REV1: variants seen among roughly 807,000 people sequenced by gnomAD.
The protein encoded by REV1 is translesion synthesis protein REV1.
A neutral mutation model predicts 137.4 loss-of-function variants in REV1; 42 were observed. That is an observed-to-expected ratio of 0.31 (90% CI 0.24 to 0.40). REV1 has a LOEUF of 0.40. REV1 is among the 10% of genes least tolerant of loss of function. REV1 has a pLI of 1.00. For missense variants in REV1, 1,282 were observed against 1,490.1 expected (o/e 0.86, Z 2.30); for synonymous variants, 524 against 519.2 (o/e 1.01, Z -0.12).
At chr2:99,432,859 T>C (rs1680291829) in intron 8 of REV1, among the ~76,000 whole-genome samples, 2 of 152,144 alleles carry the variant, frequency 1.3e-5, no homozygotes, top group Non-Finnish European at 2.9e-5. Flanking sequence ...AATAAGCCAT[T>C]TATAGTAAGA....
At chr2:99,478,518 T>C (rs1686233298) in intron 1 of REV1, among the ~76,000 whole-genome samples, 1 of 152,184 alleles carries the variant, frequency 6.6e-6, no homozygotes, top group African/African-American at 2.4e-5. Context: ...GCCACTGATC[T>C]TCACTAAGGA....
chr2:99,477,560 T>A (rs1031452779), intron 1 of REV1, among the ~76,000 whole-genome samples: 36 of 152,216 alleles, frequency 2.4e-4, no homozygotes, highest in African/African-American at 8.2e-4. Flanking sequence ...TGTACCCTAA[T>A]GCATAAGTAC....
intron 1 of REV1, among the ~76,000 whole-genome samples, chr2:99,465,934 CTTTT>C (rs988867150): frequency 4.6e-5 from 7 of 152,038 alleles, no homozygotes; most frequent in African/African-American, 1.7e-4. Context: ...TTCTTTCTTT[CTTTT>C]TATTTATTTA....
chr2:99,413,024 C>A (rs1172089972), intron 12 of REV1, 73 bp from the exon 13 acceptor site: 3 of 1,002,944 alleles, frequency 3.0e-6, no homozygotes, highest in African/African-American at 3.2e-5. Context: ...AAATACCCAC[C>A]ATTTATGCAC....
At chr2:99,429,681 G>T (rs373484267) in intron 9 of REV1, among the ~76,000 whole-genome samples, 159 bp downstream of exon 9, 2 of 151,578 alleles carry the variant, frequency 1.3e-5, no homozygotes, top group Non-Finnish European at 2.9e-5. Flanking sequence ...TAGCACTGGT[G>T]GGGGGTTGTG....
chr2:99,443,682 G>A (rs1158233824), intron 4 of REV1, among the ~76,000 whole-genome samples: 1 of 152,058 alleles, frequency 6.6e-6, no homozygotes, highest in South Asian at 2.1e-4. Flanking sequence ...TATACTAGTC[G>A]CAAGACATGT....
intron 5 of REV1, among the ~76,000 whole-genome samples, chr2:99,441,331 T>C (rs1396488388): frequency 6.6e-6 from 1 of 152,090 alleles, no homozygotes; most frequent in Non-Finnish European, 1.5e-5. Flanking sequence ...AAAAAAAATA[T>C]ATCCAACTCC....
intron 4 of REV1, among the ~76,000 whole-genome samples, chr2:99,443,120 C>G: frequency 6.6e-6 from 1 of 152,208 alleles, no homozygotes; most frequent in Middle Eastern, 3.2e-3. Context: ...GTATCTAAAA[C>G]TGACATTTTC....
Position 99,487,683 on chromosome 2 carries a change from A to G in REV1, c.-11+2134T>C, listed in dbSNP as rs1687285110. ...TTAAATGTTCTGTTTAATATACTCT[A>G]TGATTAGTAATACGCCACATATACA... On this transcript the variant is annotated intron_variant, in intron 1 of 22. Transcript: ENST00000258428. Among the ~76,000 whole-genome samples, 2 of 119,002 alleles carry G rather than the reference A, an allele frequency of 1.7e-5. 1 individual carries two copies. Among genetic ancestry groups the G allele is most frequent in the Non-Finnish European group, 3.7e-5 (2 of 54,598 alleles). 78.1% of individuals were successfully genotyped at this position (119,002 alleles called of 152,430 possible).
intron 3 of REV1, among the ~76,000 whole-genome samples, chr2:99,458,961 C>A (rs1683840285): frequency 1.3e-5 from 2 of 152,088 alleles, no homozygotes; most frequent in South Asian, 4.1e-4. Context: ...GTAATCCCAG[C>A]ACTTTGGGAG....
chr2:99,459,586 G>A (rs900985125), intron 3 of REV1, among the ~76,000 whole-genome samples: 10 of 151,970 alleles, frequency 6.6e-5, no homozygotes, highest in Admixed American at 2.0e-4. Context: ...CACACTTGAG[G>A]TCCTAGCTAC....
intron 7 of REV1, chr2:99,435,521 A>C (rs1680632589): frequency 6.0e-6 from 1 of 166,660 alleles, no homozygotes. Context: ...AGCCACCATA[A>C]AATTTCCATT....
chr2:99,486,121 T>C lies in REV1; in HGVS notation c.-11+3696A>G, dbSNP rs535796852. On this transcript the variant is annotated intron_variant, in intron 1 of 22. Transcript: ENST00000258428. ...GCTTGGGCAACAGAGCAAGACCCTGTCTCAAAAAATGTTAAAAAAGAAAAA... is the reference window on the plus strand; with the variant it reads ...GCTTGGGCAACAGAGCAAGACCCTGCCTCAAAAAATGTTAAAAAAGAAAAA... 7.9e-5 allele frequency among the ~76,000 whole-genome samples: 12 copies of C among 152,242 alleles called. No individual in the cohort carries two copies. In the East Asian group the frequency reaches 1.5e-3, roughly 20 times the overall value.
At chr2:99,482,522 C>T (rs1423492867) in intron 1 of REV1, among the ~76,000 whole-genome samples, 1 of 152,082 alleles carries the variant, frequency 6.6e-6, no homozygotes, top group African/African-American at 2.4e-5. Flanking sequence ...GCAGACTGTA[C>T]CCTTAACTTA....
intron 9 of REV1, among the ~76,000 whole-genome samples, chr2:99,425,197 A>G (rs1227770835): frequency 6.6e-6 from 1 of 152,196 alleles, no homozygotes; most frequent in East Asian, 1.9e-4. Flanking sequence ...ACGTATATAC[A>G]AACAGTTGCC....
intron 12 of REV1, among the ~76,000 whole-genome samples, 194 bp from the exon 13 acceptor site, chr2:99,413,145 C>CTCTA (rs1443239788): frequency 6.6e-6 from 1 of 152,168 alleles, no homozygotes; most frequent in African/African-American, 2.4e-5. Context: ...TATTTCTAGA[C>CTCTA]TCTACTTCTC....
At chr2:99,449,730 C>T (rs1383343195) in intron 3 of REV1, among the ~76,000 whole-genome samples, 4 of 150,988 alleles carry the variant, frequency 2.6e-5, no homozygotes, top group Non-Finnish European at 4.4e-5. Flanking sequence ...AACACAAAAA[C>T]ATCTAAGAAG....
chr2:99,446,686 G>A lies in REV1; in HGVS notation c.350+2650C>T, dbSNP rs1196008865. ...ATTTTTGTATTTTTAGTAGAGACAG[G>A]CTTTCACCATATTGGCCAGGCTGGT... is the stretch of plus-strand genomic sequence containing the variant. On this transcript the variant is annotated intron_variant, in intron 4 of 22. Transcript: ENST00000258428. 2.6e-5 allele frequency among the ~76,000 whole-genome samples: 4 copies of A among 152,030 alleles called. No individual in the cohort carries two copies. The East Asian group carries it at 7.7e-4, about 29-fold the overall frequency.
chr2:99,449,219 CA>C, intron 4 of REV1, 116 bp downstream of exon 4: 1 of 454,952 alleles, frequency 2.2e-6, no homozygotes. Flanking sequence ...GAGCCATGAT[CA>C]TGCCACTGCA....
Sources: gnomAD v4.1 joint callset for allele counts (sites outside exome capture counted in the v4.1 genomes callset) on GRCh38, gnomAD v4.1.1 for gene constraint, MANE v1.5 for transcripts, NCBI Gene and HGNC (gene_info 2026-07-23, HGNC 2026-07-21) for gene names.